CCDC152: variants seen among roughly 807,000 people sequenced by gnomAD.
CCDC152 encodes the protein coiled-coil domain containing 152, also known as coiled-coil domain-containing protein 152.
CCDC152 carries 37 observed loss-of-function variants against 38.1 expected under a neutral mutation model. The ratio of observed to expected loss-of-function variants is 0.97; its 90% CI spans 0.75 to 1.28. The LOEUF (loss-of-function observed/expected upper bound fraction) is 1.28, where lower values mean the gene tolerates loss of function less well. Ranked by LOEUF, CCDC152 falls within the 50% of genes most tolerant of loss-of-function variation. The pLI is 0.00. For missense variants in CCDC152, 259 were observed against 292.1 expected, an observed-to-expected ratio of 0.89 and a Z score of 0.83; for synonymous variants, 83 against 87.1, an observed-to-expected ratio of 0.95 and a Z score of 0.26.
At position 42,799,782 on chromosome 5, in the gene CCDC152, G is replaced by T. The variant is rs777047296; in HGVS notation, c.*1G>T. ...TCACCTTAAGCGTAGACGGTTTTGA[G>T]CTTAGCAGTAAATTCATTAGTTGGT... is the stretch of plus-strand genomic sequence containing the variant. On this transcript the variant is annotated 3_prime_UTR_variant, in exon 9 of 9. Coordinates refer to ENST00000361970, the MANE Select transcript of CCDC152 (RefSeq NM_001134848.2). 1.4e-5 allele frequency: 21 copies of T among 1,547,370 alleles called. No homozygotes were observed. Among genetic ancestry groups the T allele is most frequent in the Non-Finnish European group, 1.7e-5 (20 of 1,145,996 alleles).
Position 42,775,894 on chromosome 5 carries a change from C to A in CCDC152, c.263-3564C>A, listed in dbSNP as rs376581837. 5.7e-4 allele frequency among the ~76,000 whole-genome samples: 80 copies of A among 141,134 alleles called. 2 individuals are homozygous for A. The South Asian group carries it at 0.01, about 18-fold the overall frequency. The allele number at this position is 141,134 out of a possible 152,430, so 92.6% of individuals were successfully genotyped here. On this transcript the variant is annotated intron_variant, in intron 4 of 8. Coordinates refer to ENST00000361970, the MANE Select transcript of CCDC152 (RefSeq NM_001134848.2). ...CTGAATTCATTGTAAATGTATATTGCAAATTCTAGGACAATCACTAAAAAA... is the reference window on the plus strand; with the variant it reads ...CTGAATTCATTGTAAATGTATATTGAAAATTCTAGGACAATCACTAAAAAA...
At chr5:42,772,409 G>T (rs1286608755) in intron 4 of CCDC152, among the ~76,000 whole-genome samples, 1 of 152,108 alleles carries the variant, frequency 6.6e-6, no homozygotes, top group Non-Finnish European at 1.5e-5. Flanking sequence ...TTTTAAAATA[G>T]CCTTTCTTGG....
intron 6 of CCDC152, among the ~76,000 whole-genome samples, chr5:42,786,792 C>G (rs1759926623): frequency 6.6e-6 from 1 of 152,008 alleles, no homozygotes; most frequent in East Asian, 1.9e-4. Context: ...GTGCTATAAA[C>G]TTTTCTCCTA....
At chr5:42,790,113 G>C (rs1257839545) in intron 6 of CCDC152, among the ~76,000 whole-genome samples, 1 of 152,174 alleles carries the variant, frequency 6.6e-6, no homozygotes, top group Non-Finnish European at 1.5e-5. Context: ...AATTCAATAA[G>C]AAGAAGTCAA....
chr5:42,792,072 G>A (rs1411527796), intron 6 of CCDC152, among the ~76,000 whole-genome samples: 1 of 152,128 alleles, frequency 6.6e-6, no homozygotes, highest in Non-Finnish European at 1.5e-5. Context: ...AGGAAAGAGT[G>A]GGCCACCTCT....
intron 2 of CCDC152, among the ~76,000 whole-genome samples, chr5:42,762,172 C>T (rs1759561662): frequency 6.6e-6 from 1 of 152,056 alleles, no homozygotes; most frequent in African/African-American, 2.4e-5. Context: ...TATATCTAAA[C>T]ATAGAAAAGG....
chr5:42,772,463 A>G (rs1759711997), intron 4 of CCDC152, among the ~76,000 whole-genome samples: 1 of 152,080 alleles, frequency 6.6e-6, no homozygotes, highest in Admixed American at 6.5e-5. Context: ...CCTGGCCAAC[A>G]TGGTGAAACC....
At chr5:42,781,763 C>T (rs1759850407) in intron 5 of CCDC152, among the ~76,000 whole-genome samples, 1 of 152,142 alleles carries the variant, frequency 6.6e-6, no homozygotes. Flanking sequence ...TATTTACACA[C>T]AAGGAGTTGG....
intron 6 of CCDC152, among the ~76,000 whole-genome samples, chr5:42,786,916 AC>A (rs1377843611): frequency 1.3e-5 from 2 of 151,776 alleles, no homozygotes; most frequent in Non-Finnish European, 2.9e-5. Context: ...CTAAAAGTCA[AC>A]CAGGAGCAAG....
At position 42,799,509 on chromosome 5, in the gene CCDC152, A is replaced by G. The variant is rs540546705; in HGVS notation, c.642+51A>G. Reference sequence around the variant, plus strand: ...TGTTGCTTAAGAAAACTTTCTAAGCATGTTTCTATAAAAATCATCTAATTC... The same window carrying G: ...TGTTGCTTAAGAAAACTTTCTAAGCGTGTTTCTATAAAAATCATCTAATTC... On this transcript the variant is annotated intron_variant, in intron 8 of 8. Transcript: ENST00000361970. 7.8e-6 allele frequency: 10 copies of G among 1,276,316 alleles called. No individual in the cohort carries two copies. In the East Asian group the frequency reaches 2.5e-4, roughly 32 times the overall value. 79.1% of individuals were successfully genotyped at this position (1,276,316 alleles called of 1,614,324 possible).
intron 6 of CCDC152, among the ~76,000 whole-genome samples, chr5:42,793,799 G>A (rs1760037407): frequency 6.6e-6 from 1 of 152,142 alleles, no homozygotes; most frequent in Non-Finnish European, 1.5e-5. Context: ...AGTAGAGACA[G>A]GGTTTCACCA....
At chr5:42,765,587 T>C (rs1020791490) in intron 3 of CCDC152, among the ~76,000 whole-genome samples, 10 of 152,012 alleles carry the variant, frequency 6.6e-5, no homozygotes, top group African/African-American at 1.9e-4. Flanking sequence ...TGTAATAGAA[T>C]AGAGAACCCA....
chr5:42,791,703 CCACTCTAG>C (rs1760001823), intron 6 of CCDC152, among the ~76,000 whole-genome samples: 2 of 152,172 alleles, frequency 1.3e-5, no homozygotes, highest in Admixed American at 6.5e-5. Flanking sequence ...AGGTTTAAGG[CCACTCTAG>C]CAGAGCATTT....
chr5:42,761,085 G>A (rs1462796102), intron 2 of CCDC152, among the ~76,000 whole-genome samples: 2 of 152,146 alleles, frequency 1.3e-5, no homozygotes, highest in Non-Finnish European at 2.9e-5. Context: ...GGTGAGACTA[G>A]GGCAGTGGAT....
chr5:42,761,057 T>C (rs1449367859), intron 2 of CCDC152, among the ~76,000 whole-genome samples: 1 of 152,160 alleles, frequency 6.6e-6, no homozygotes, highest in Non-Finnish European at 1.5e-5. Context: ...AGAGTTGCTT[T>C]GAGATCAATT....
chr5:42,774,889 T>C (rs1450535690), intron 4 of CCDC152, among the ~76,000 whole-genome samples: 1 of 152,066 alleles, frequency 6.6e-6, no homozygotes, highest in Non-Finnish European at 1.5e-5. Context: ...CTAAACAGTG[T>C]AACACAAATG....
At chr5:42,787,733 G>A (rs1371007638) in intron 6 of CCDC152, among the ~76,000 whole-genome samples, 2 of 151,864 alleles carry the variant, frequency 1.3e-5, no homozygotes, top group South Asian at 2.1e-4. Flanking sequence ...TACTGTTGTT[G>A]GTTTAAAGTC....
intron 7 of CCDC152, among the ~76,000 whole-genome samples, chr5:42,798,444 C>G (rs1760109346): frequency 6.6e-6 from 1 of 152,190 alleles, no homozygotes; most frequent in Non-Finnish European, 1.5e-5. Context: ...TTTAGATACC[C>G]TTTGCTGCTG....
chr5:42,769,086 A>G (rs1759664417), intron 3 of CCDC152, among the ~76,000 whole-genome samples: 1 of 152,008 alleles, frequency 6.6e-6, no homozygotes, highest in Non-Finnish European at 1.5e-5. Context: ...CGTCTCTACA[A>G]AAATATACAA....
Sources: allele counts gnomAD v4.1 joint callset (sites outside exome capture counted in the v4.1 genomes callset), GRCh38; gene constraint gnomAD v4.1.1; transcripts MANE v1.5; gene names NCBI Gene and HGNC (gene_info 2026-07-23, HGNC 2026-07-21).